Variants in MTG1 observed in about 807,000 individuals in gnomAD.
MTG1 encodes mitochondrial ribosome-associated GTPase 1.
Under a neutral mutation model 39.5 loss-of-function variants are expected in MTG1, and 30 were observed. The ratio of observed to expected loss-of-function variants is 0.76; its 90% CI spans 0.57 to 1.03. The LOEUF is 1.03. MTG1 is among the 50% of genes least tolerant of loss of function. The pLI is 0.00. For synonymous variants in MTG1, 217 were observed against 179.0 expected (o/e 1.21, Z -1.69); for missense variants, 513 against 447.4 (o/e 1.15, Z -1.32).
chr10:133,394,457 C>A (rs554609613), intron 1 of MTG1, 125 bp downstream of exon 1: 1 of 1,329,540 alleles, frequency 7.5e-7, no homozygotes, highest in Non-Finnish European at 9.7e-7. Context: ...CCCCTCCTCC[C>A]TTGTCTCCCC....
chr10:133,399,033 G>A, intron 4 of MTG1, 137 bp from the exon 5 acceptor site: 1 of 918,650 alleles, frequency 1.1e-6, no homozygotes, highest in Non-Finnish European at 1.7e-6. Flanking sequence ...TTCCAGATAG[G>A]AGGTTTCTGT....
At position 133,402,578 on chromosome 10, in the gene MTG1, C is replaced by A. The variant is rs1217793982; in HGVS notation, c.671-114C>A. On this transcript the variant is annotated intron_variant, in intron 8 of 10. Transcript: ENST00000317502. This position sits in a 1 kb window ranked among gnomAD's most constrained non-coding sequence, Gnocchi z 4.7. ...GGTTAGTGTCTTTGTCAGTGGCTGG[C>A]CTCTTCCTCACGGCACGGTGTCTTT... 1.0e-6 allele frequency: 1 copy of A among 970,496 alleles called. No homozygotes were observed. The highest frequency in any genetic ancestry group is 1.5e-6 in the Non-Finnish European group (1 of 645,632). The allele number at this position is 970,496 out of a possible 1,614,324, so 60.1% of individuals were successfully genotyped here. A position where few individuals can be genotyped will look rare whatever the true frequency, so the allele number is the denominator to read the frequency against.
chr10:133,400,409 C>G (rs1849858480), intron 6 of MTG1, among the ~76,000 whole-genome samples: 1 of 152,170 alleles, frequency 6.6e-6, no homozygotes, highest in Admixed American at 6.5e-5. Context: ...AAGCAGGAGC[C>G]CCGAGCACCC....
chr10:133,417,648 T>G (rs1384056604), intron 9 of MTG1, among the ~76,000 whole-genome samples: 1 of 151,842 alleles, frequency 6.6e-6, no homozygotes, highest in Non-Finnish European at 1.5e-5. Flanking sequence ...CAGCCCAAAA[T>G]CTCCTTAAGC....
In MTG1 at chr10:133,402,769, T is replaced by C. The variant is rs780457177; in HGVS notation, c.748T>C (p.Phe250Leu). ...GTACACCCTCAACAAACACCAGCGC[T>C]TTGGGTGAGTGCAGTGAATGCAGGG... ...LLYTLNKHQR[F>L]GYVQHYGLGS... The change falls in exon 9 of 11, where the codon TTT (phenylalanine) becomes CTT (leucine). Residue 250 changes from phenylalanine (F) to leucine (L), a missense_variant. Transcript: ENST00000317502. The surrounding 1 kb of genome is among the most constrained non-coding windows in gnomAD (Gnocchi z 4.7). 6.2e-7 allele frequency: 1 copy of C among 1,601,110 alleles called. No individual in the cohort carries two copies. The highest frequency in any genetic ancestry group is 1.1e-5 in the South Asian group (1 of 88,396).
At chr10:133,413,880 T>C (rs1850080990) in intron 9 of MTG1, among the ~76,000 whole-genome samples, 1 of 152,036 alleles carries the variant, frequency 6.6e-6, no homozygotes, top group South Asian at 2.1e-4. Flanking sequence ...CCCATCAGTT[T>C]ACCATCCACA....
rs77045291 is a variant in MTG1 at position 133,394,470 on chromosome 10, C to T, written c.112+138C>T. On this transcript the variant is annotated intron_variant, in intron 1 of 10. Transcript: ENST00000317502. ...CGCCCCTCCTCCCTTGTCTCCCCTCCTTCCCCGCTCTCACCCGCTCCCGGA... is the reference window on the plus strand; with the variant it reads ...CGCCCCTCCTCCCTTGTCTCCCCTCTTTCCCCGCTCTCACCCGCTCCCGGA... 9.4e-3 allele frequency: 12,524 copies of T among 1,334,504 alleles called. 89 individuals carry two copies. The highest frequency in any genetic ancestry group is 0.037 in the Middle Eastern group (143 of 3,872). The allele number at this position is 1,334,504 out of a possible 1,614,324, so 82.7% of individuals were successfully genotyped here. A position where few individuals can be genotyped will look rare whatever the true frequency, so the allele number is the denominator to read the frequency against.
intron 9 of MTG1, among the ~76,000 whole-genome samples, chr10:133,411,664 A>G (rs1195901305): frequency 6.6e-6 from 1 of 151,204 alleles, no homozygotes; most frequent in Non-Finnish European, 1.5e-5. Flanking sequence ...TTCCTCTTCT[A>G]TATGTTTTCA....
At chr10:133,413,974 G>C (rs1850084401) in intron 9 of MTG1, among the ~76,000 whole-genome samples, 1 of 147,880 alleles carries the variant, frequency 6.8e-6, no homozygotes, top group Non-Finnish European at 1.5e-5. Flanking sequence ...GGGGGATTTG[G>C]CAGGGTCACA....
At chr10:133,404,129 C>CTTTTTTTT (rs57165977) in intron 9 of MTG1, among the ~76,000 whole-genome samples, 6 of 91,172 alleles carry the variant, frequency 6.6e-5, no homozygotes, top group Non-Finnish European at 7.8e-5. Flanking sequence ...AAGTTTTAAT[C>CTTTTTTTT]TTTTTTTTTT....
Position 133,418,986 on chromosome 10 carries a change from G to A in MTG1, c.753-494G>A, listed in dbSNP as rs555932342. On this transcript the variant is annotated intron_variant, in intron 9 of 10. Coordinates refer to ENST00000317502, the MANE Select transcript of MTG1 (RefSeq NM_138384.4). The stretch of plus-strand genomic sequence containing the variant: ...CTGGTCCCTGTGCTAGGAAAACACC[G>A]CTCAAACACCCAGCCGGGTGGAGAG... 2.2e-4 allele frequency among the ~76,000 whole-genome samples: 34 copies of A among 152,308 alleles called. No individual in the cohort carries two copies. The South Asian group carries it at 2.7e-3, about 12-fold the overall frequency.
chr10:133,405,734 C>G (rs907311173), intron 9 of MTG1, among the ~76,000 whole-genome samples: 2 of 152,140 alleles, frequency 1.3e-5, no homozygotes, highest in Non-Finnish European at 2.9e-5. Context: ...ATCCATCATC[C>G]TTTGATGGAC....
chr10:133,416,390 T>TA (rs1850133220), intron 9 of MTG1, among the ~76,000 whole-genome samples: 9 of 149,832 alleles, frequency 6.0e-5, no homozygotes, highest in Admixed American at 4.6e-4. Flanking sequence ...ATATATATAT[T>TA]TTTCTTTTTA....
intron 9 of MTG1, among the ~76,000 whole-genome samples, chr10:133,414,771 G>A (rs1042904228): frequency 1.9e-4 from 29 of 152,322 alleles, no homozygotes; most frequent in African/African-American, 6.3e-4. Flanking sequence ...GGTGGCGGCC[G>A]GGCAGAGGCT....
chr10:133,418,388 A>ACAGT (rs1850167669), intron 9 of MTG1, among the ~76,000 whole-genome samples: 1 of 150,702 alleles, frequency 6.6e-6, no homozygotes, highest in Non-Finnish European at 1.5e-5. Flanking sequence ...TTGTTGTGGG[A>ACAGT]CAGTTAGATT....
At chr10:133,412,769 C>T (rs1850065796) in intron 9 of MTG1, among the ~76,000 whole-genome samples, 1 of 152,190 alleles carries the variant, frequency 6.6e-6, no homozygotes, top group Non-Finnish European at 1.5e-5. Flanking sequence ...AAAGAATCAG[C>T]TTCTGGTTTC....
chr10:133,398,562 T>G (rs545371227), intron 4 of MTG1, 47 bp downstream of exon 4: 1 of 1,568,510 alleles, frequency 6.4e-7, no homozygotes, highest in African/African-American at 1.4e-5. Flanking sequence ...CTTCAGTAGG[T>G]TCGAGGAGCA....
At chr10:133,410,053 T>C (rs1850023058) in intron 9 of MTG1, among the ~76,000 whole-genome samples, 1 of 152,158 alleles carries the variant, frequency 6.6e-6, no homozygotes, top group Non-Finnish European at 1.5e-5. Flanking sequence ...CTGTGTTTTT[T>C]GCTTGTTTTT....
Position 133,395,704 on chromosome 10 carries a change from G to GT in MTG1, c.113-5dup, listed in dbSNP as rs1305896349. 3.1e-6 allele frequency: 5 copies of GT among 1,613,862 alleles called. No homozygotes were observed. Among genetic ancestry groups the GT allele is most frequent in the Non-Finnish European group, 4.2e-6 (5 of 1,179,958 alleles). On this transcript the variant is annotated splice_polypyrimidine_tract_variant and intron_variant, in intron 1 of 10. Coordinates refer to ENST00000317502, the MANE Select transcript of MTG1 (RefSeq NM_138384.4). Reference sequence around the variant, plus strand: ...AGCCCCTTCGCTGAGGCGTCCTTCTGTTTTCCAGGGCTGAAGAAGATGCAG... The same window carrying GT: ...AGCCCCTTCGCTGAGGCGTCCTTCTGTTTTTCCAGGGCTGAAGAAGATGCAG...
Sources: gnomAD v4.1 joint callset for allele counts (sites outside exome capture counted in the v4.1 genomes callset) on GRCh38, gnomAD v4.1.1 for gene constraint, Gnocchi (gnomAD v3.1) non-coding constraint, MANE v1.5 for transcripts, NCBI Gene and HGNC (gene_info 2026-07-23, HGNC 2026-07-21) for gene names.